FRY: variants seen among roughly 807,000 people sequenced by gnomAD.
The protein encoded by FRY is protein furry homolog.
Under a neutral mutation model 348.4 loss-of-function variants are expected in FRY, and 128 were observed. The observed-to-expected ratio is 0.37, with a 90% confidence interval of 0.32 to 0.43. The LOEUF (loss-of-function observed/expected upper bound fraction) is 0.43. Ranked by LOEUF, FRY falls within the 20% of genes least tolerant of loss-of-function variation. FRY has a pLI of 1.00. For synonymous variants in FRY, 1,370 were observed against 1,374.7 expected (o/e 1.00, Z 0.08); for missense variants, 2,736 against 3,695.2 (o/e 0.74, Z 6.73).
chr13:32,180,815 T>C (rs1328475401), intron 23 of FRY, among the ~76,000 whole-genome samples: 1 of 152,058 alleles, frequency 6.6e-6, no homozygotes, highest in East Asian at 1.9e-4. Context: ...ACTTGAAAAA[T>C]AAAGATTAAT....
chr13:32,112,854 A>G (rs895712266), intron 3 of FRY, among the ~76,000 whole-genome samples: 1 of 152,222 alleles, frequency 6.6e-6, no homozygotes, highest in Admixed American at 6.5e-5. Flanking sequence ...CCGGAAAAGG[A>G]AGCAGATGAA....
intron 55 of FRY, among the ~76,000 whole-genome samples, chr13:32,274,540 T>TAA (rs1217314140): frequency 6.6e-6 from 1 of 151,354 alleles, no homozygotes; most frequent in Non-Finnish European, 1.5e-5. Flanking sequence ...CCGTCTCTAC[T>TAA]AAAAATACAA....
At chr13:32,135,396 A>G (rs889243846) in intron 10 of FRY, among the ~76,000 whole-genome samples, 2 of 152,230 alleles carry the variant, frequency 1.3e-5, no homozygotes, top group Non-Finnish European at 2.9e-5. Context: ...GCATCACCTC[A>G]GATGACCCTC....
chr13:32,290,097 T>C (rs1889261985), intron 59 of FRY, among the ~76,000 whole-genome samples: 1 of 152,164 alleles, frequency 6.6e-6, no homozygotes, highest in Non-Finnish European at 1.5e-5. Flanking sequence ...TTCTTTACAT[T>C]AGTTTTTCAT....
At chr13:32,254,130 GA>G (rs1462443628) in intron 50 of FRY, 93 bp from the exon 51 acceptor site, 2 of 1,119,620 alleles carry the variant, frequency 1.8e-6, no homozygotes, top group Non-Finnish European at 2.7e-6. Context: ...GTGTGTACTG[GA>G]AATACGGTGC....
At position 32,173,590 on chromosome 13, in the gene FRY, A is replaced by C. The variant is rs780183755; in HGVS notation, c.2334+41A>C. The C allele has an allele frequency of 1.1e-5, 16 of 1,419,226 alleles. No homozygotes were observed. In the Admixed American group the frequency reaches 1.2e-4, roughly 10 times the overall value. The allele number at this position is 1,419,226 out of a possible 1,614,324, so 87.9% of individuals were successfully genotyped here. On this transcript the variant is annotated intron_variant, in intron 19 of 60. Coordinates refer to ENST00000542859, the MANE Select transcript of FRY (RefSeq NM_023037.3). ...CTGAATTTTTCCATTTCTTACTTTCAACTCTTCTGAAATTTAGATTAAAAA... is the reference window on the plus strand; with the variant it reads ...CTGAATTTTTCCATTTCTTACTTTCCACTCTTCTGAAATTTAGATTAAAAA...
intron 7 of FRY, among the ~76,000 whole-genome samples, chr13:32,130,294 G>C (rs1879272440): frequency 6.6e-6 from 1 of 151,892 alleles, no homozygotes; most frequent in South Asian, 2.1e-4. Context: ...ACCCACTTCG[G>C]CCTCCCAAAG....
At chr13:32,069,010 G>A (rs1053496942) in intron 1 of FRY, among the ~76,000 whole-genome samples, 3 of 150,166 alleles carry the variant, frequency 2.0e-5, no homozygotes, top group Non-Finnish European at 2.9e-5. Flanking sequence ...CCGCCTGCCG[G>A]GTTCACGCCC....
At chr13:32,187,484 G>A in intron 27 of FRY, 62 bp from the exon 28 acceptor site, 1 of 949,014 alleles carries the variant, frequency 1.1e-6, no homozygotes, top group Non-Finnish European at 1.7e-6. Context: ...TATAAAGTCA[G>A]TTGGATACCA....
intron 59 of FRY, among the ~76,000 whole-genome samples, chr13:32,293,609 C>G (rs1889484711): frequency 6.6e-6 from 1 of 152,082 alleles, no homozygotes; most frequent in African/African-American, 2.4e-5. Flanking sequence ...AACCATCTTC[C>G]GTAGTATATT....
intron 1 of FRY, among the ~76,000 whole-genome samples, chr13:32,072,873 A>G (rs925752197): frequency 6.6e-6 from 1 of 152,258 alleles, no homozygotes; most frequent in Non-Finnish European, 1.5e-5. Flanking sequence ...ATGTACAACC[A>G]TGAACAAAGA....
At chr13:32,151,979 G>C (rs185725205) in intron 14 of FRY, among the ~76,000 whole-genome samples, 8 of 152,192 alleles carry the variant, frequency 5.3e-5, no homozygotes, top group Non-Finnish European at 1.2e-4. Context: ...GTATATTCTA[G>C]TTATGAACAA....
At chr13:32,295,127 A>G (rs1483194753) in intron 60 of FRY, 75 bp from the exon 61 acceptor site, 8 of 1,302,130 alleles carry the variant, frequency 6.1e-6, no homozygotes, top group South Asian at 2.4e-5. Flanking sequence ...ATACTCTTAT[A>G]TTAATGAAGA....
rs762568157 is a variant in FRY at position 32,209,124 on chromosome 13, A to G, written c.4275+15A>G. ...TGACGGCCAAGGTAAACTCAGAGGA[A>G]TTGTGCTTCAAATAGCATGGCTCCA... On this transcript the variant is annotated intron_variant, in intron 32 of 60. Transcript: ENST00000542859. The G allele has an allele frequency of 6.2e-7, 1 of 1,613,904 alleles. No homozygotes were observed. Among genetic ancestry groups the G allele is most frequent in the South Asian group, 1.1e-5 (1 of 91,076 alleles).
chr13:32,048,091 C>T (rs916500026), intron 1 of FRY, among the ~76,000 whole-genome samples: 20 of 152,072 alleles, frequency 1.3e-4, no homozygotes, highest in African/African-American at 3.9e-4. Flanking sequence ...AAGAATCAAC[C>T]GTCTTTTCAT....
intron 13 of FRY, among the ~76,000 whole-genome samples, chr13:32,149,532 A>G (rs1013055515): frequency 6.6e-6 from 1 of 152,018 alleles, no homozygotes; most frequent in African/African-American, 2.4e-5. Context: ...TTGTATAATG[A>G]AGGCCTCCTT....
intron 11 of FRY, among the ~76,000 whole-genome samples, chr13:32,145,950 T>C (rs1880417035): frequency 6.6e-6 from 1 of 152,172 alleles, no homozygotes; most frequent in South Asian, 2.1e-4. Flanking sequence ...TCTGATCTCA[T>C]TGGCTGCCTG....
intron 31 of FRY, among the ~76,000 whole-genome samples, chr13:32,202,996 G>A (rs1884126526): frequency 6.6e-6 from 1 of 151,938 alleles, no homozygotes. Flanking sequence ...TAAGTTTGTA[G>A]GTCAGAATTA....
intron 2 of FRY, among the ~76,000 whole-genome samples, chr13:32,089,955 G>A (rs1015093539): frequency 1.8e-4 from 28 of 152,222 alleles, no homozygotes; most frequent in African/African-American, 6.5e-4. Flanking sequence ...TGAAAGAAAG[G>A]CCAGATTGCA....
Sources: allele counts gnomAD v4.1 joint callset (sites outside exome capture counted in the v4.1 genomes callset), GRCh38; gene constraint gnomAD v4.1.1; transcripts MANE v1.5; gene names NCBI Gene and HGNC (gene_info 2026-07-23, HGNC 2026-07-21).